ZRANB2: variants seen among roughly 807,000 people sequenced by gnomAD.
ZRANB2 encodes the protein zinc finger Ran-binding domain-containing protein 2.
ZRANB2 carries 19 observed loss-of-function variants against 53.4 expected under a neutral mutation model. That is an observed-to-expected ratio of 0.36 (90% CI 0.25 to 0.52). The LOEUF (loss-of-function observed/expected upper bound fraction) is 0.52, where lower values mean the gene tolerates loss of function less well. ZRANB2 is among the 20% of genes least tolerant of loss of function. ZRANB2 has a pLI of 0.93. For synonymous variants in ZRANB2, 145 were observed against 134.8 expected (o/e 1.08, Z -0.52); for missense variants, 309 against 401.1 (o/e 0.77, Z 1.96).
chr1:71,075,946 G>C (rs905998625), intron 4 of ZRANB2, among the ~76,000 whole-genome samples: 51 of 152,154 alleles, frequency 3.4e-4, no homozygotes, highest in African/African-American at 1.2e-3. Flanking sequence ...TTGAAGTCTG[G>C]AAGAGCTAGG....
intron 9 of ZRANB2, chr1:71,066,515 CGA>C (rs1661441666): frequency 3.2e-6 from 1 of 308,176 alleles, no homozygotes; most frequent in African/African-American, 2.2e-5. Flanking sequence ...CAGAAATAAC[CGA>C]GAGTTGGCTA....
rs920962157 is a variant in ZRANB2 at position 71,064,286 on chromosome 1, A to T, written c.*788T>A. ...AGTATGATTTAGCCTTTTCTACCAT[A>T]TTATATTTGGTAACTACATTTGGAA... On this transcript the variant is annotated 3_prime_UTR_variant, in exon 10 of 10. Coordinates refer to ENST00000370920, the MANE Select transcript of ZRANB2 (RefSeq NM_203350.3). 2 of 152,060 alleles carry T rather than the reference A, an allele frequency of 1.3e-5. No individual in the cohort carries two copies. Among genetic ancestry groups the T allele is most frequent in the African/African-American group, 4.8e-5 (2 of 41,420 alleles). 9.4% of individuals were successfully genotyped at this position (152,060 alleles called of 1,614,324 possible). A position where few individuals can be genotyped will look rare whatever the true frequency, so the allele number is the denominator to read the frequency against.
At chr1:71,079,084 G>A (rs925394113) in intron 1 of ZRANB2, among the ~76,000 whole-genome samples, 3 of 151,842 alleles carry the variant, frequency 2.0e-5, no homozygotes, top group Admixed American at 6.6e-5. Flanking sequence ...CCCTAGCGGT[G>A]GACCAATGAG....
intron 4 of ZRANB2, among the ~76,000 whole-genome samples, chr1:71,075,543 T>A (rs1247232994): frequency 2.0e-5 from 3 of 152,078 alleles, no homozygotes; most frequent in African/African-American, 7.2e-5. Flanking sequence ...TACTTAAACT[T>A]TGGGCTTAGA....
At chr1:71,068,666 T>C (rs554342386) in intron 8 of ZRANB2, among the ~76,000 whole-genome samples, 25 of 152,322 alleles carry the variant, frequency 1.6e-4, no homozygotes, top group Admixed American at 1.4e-3. Context: ...GCAAATTTGT[T>C]TCTGAAAATA....
intron 4 of ZRANB2, among the ~76,000 whole-genome samples, chr1:71,073,785 A>T (rs988093329): frequency 6.6e-6 from 1 of 151,538 alleles, no homozygotes; most frequent in Non-Finnish European, 1.5e-5. Context: ...TGTAAATAAA[A>T]TTATTTTAAG....
intron 8 of ZRANB2, chr1:71,067,161 A>G (rs1240640989): frequency 2.7e-6 from 1 of 372,070 alleles, no homozygotes; most frequent in Admixed American, 4.6e-5. Flanking sequence ...ATGTGTAATT[A>G]AAACCCTGCT....
chr1:71,065,234 CATG>C (rs1220302214), intron 9 of ZRANB2, 97 bp from the exon 10 acceptor site: 1 of 920,784 alleles, frequency 1.1e-6, no homozygotes, highest in Non-Finnish European at 1.6e-6. Context: ...AATTCAGTAC[CATG>C]ATGCTAGCAA....
intron 6 of ZRANB2, among the ~76,000 whole-genome samples, 162 bp from the exon 7 acceptor site, chr1:71,071,158 TAG>T (rs1292467923): frequency 6.6e-6 from 1 of 152,140 alleles, no homozygotes; most frequent in Non-Finnish European, 1.5e-5. Context: ...TCATCTCAAA[TAG>T]AGACTTGACA....
At chr1:71,067,725 ATGTT>A (rs764056439) in intron 8 of ZRANB2, 2 of 419,666 alleles carry the variant, frequency 4.8e-6, no homozygotes, top group Non-Finnish European at 9.5e-6. Flanking sequence ...CAATGAAAAA[ATGTT>A]TGGGAAGAAT....
At position 71,072,523 on chromosome 1, in the gene ZRANB2, T is replaced by C. The variant is rs200166869; in HGVS notation, c.327A>G (p.Arg109=). 32 of 1,607,832 alleles carry C rather than the reference T, an allele frequency of 2.0e-5. No homozygotes were observed. In the African/African-American group the frequency reaches 4.0e-4, roughly 20 times the overall value. The change falls in exon 5 of 10, where the codon AGA becomes AGG. Residue 109 remains arginine (R), a synonymous_variant. Transcript: ENST00000370920. ...CTCTTTCTATATATTCAACATTTTCTCTTTCATTAAAACCACCACCATATC... is the reference window on the plus strand; with the variant it reads ...CTCTTTCTATATATTCAACATTTTCCCTTTCATTAAAACCACCACCATATC... The part of the protein sequence containing the change: ...RTGYGGGFNE[R]ENVEYIEREE...
intron 4 of ZRANB2, among the ~76,000 whole-genome samples, chr1:71,076,459 A>G (rs1379365828): frequency 6.6e-6 from 1 of 152,256 alleles, no homozygotes; most frequent in African/African-American, 2.4e-5. Context: ...TTTAAGTCAC[A>G]GCAGGCTATC....
At chr1:71,075,361 T>C (rs1163395391) in intron 4 of ZRANB2, among the ~76,000 whole-genome samples, 1 of 152,150 alleles carries the variant, frequency 6.6e-6, no homozygotes, top group Non-Finnish European at 1.5e-5. Flanking sequence ...TGAGTGGTAC[T>C]AATCATGAGA....
At chr1:71,080,854 A>C (rs866092408) in intron 1 of ZRANB2, 86 bp downstream of exon 1, 11 of 1,522,934 alleles carry the variant, frequency 7.2e-6, no homozygotes, top group Non-Finnish European at 1.0e-5. Context: ...GGCACAGAAA[A>C]TCATAAAAAA....
intron 8 of ZRANB2, 66 bp from the exon 9 acceptor site, chr1:71,067,000 A>C: frequency 1.4e-6 from 2 of 1,430,880 alleles, no homozygotes; most frequent in South Asian, 3.0e-5. Context: ...TTATTTAGTT[A>C]TCAGATAGCT....
intron 7 of ZRANB2, among the ~76,000 whole-genome samples, chr1:71,070,447 G>C (rs964308341): frequency 6.6e-6 from 1 of 152,024 alleles, no homozygotes; most frequent in Non-Finnish European, 1.5e-5. Flanking sequence ...TTAATGCCTA[G>C]AAAATTTCTG....
chr1:71,067,538 G>A, intron 8 of ZRANB2: 2 of 350,742 alleles, frequency 5.7e-6, no homozygotes, highest in Non-Finnish European at 1.1e-5. Context: ...AATATGAAGT[G>A]TTGACATTCA....
At chr1:71,074,207 C>T (rs1260385738) in intron 4 of ZRANB2, among the ~76,000 whole-genome samples, 1 of 151,998 alleles carries the variant, frequency 6.6e-6, no homozygotes, top group African/African-American at 2.4e-5. Context: ...CCTAGGTATC[C>T]CCAGCACCTT....
At chr1:71,080,870 A>C (rs1661830897) in intron 1 of ZRANB2, 70 bp downstream of exon 1, 9 of 1,571,070 alleles carry the variant, frequency 5.7e-6, no homozygotes, top group Non-Finnish European at 7.9e-6. Flanking sequence ...AAAAAGGAAA[A>C]TGCCGGACGG....
Sources: gnomAD v4.1 joint callset for allele counts (sites outside exome capture counted in the v4.1 genomes callset) on GRCh38, gnomAD v4.1.1 for gene constraint, MANE v1.5 for transcripts, NCBI Gene and HGNC (gene_info 2026-07-23, HGNC 2026-07-21) for gene names.